Variants in EXT1 observed in about 807,000 individuals in gnomAD.
EXT1 encodes exostosin-1.
A neutral mutation model predicts 82.5 loss-of-function variants in EXT1; 20 were observed. The ratio of observed to expected loss-of-function variants is 0.24; its 90% CI spans 0.17 to 0.35. EXT1 has a LOEUF of 0.35. Ranked by LOEUF, EXT1 falls within the 10% of genes least tolerant of loss-of-function variation. The pLI, the probability that EXT1 is intolerant of heterozygous loss-of-function variation, is 1.00. For synonymous variants in EXT1, 348 were observed against 350.8 expected (o/e 0.99, Z 0.09); for missense variants, 757 against 936.5 (o/e 0.81, Z 2.50).
intron 1 of EXT1, among the ~76,000 whole-genome samples, chr8:118,088,402 C>T (rs961248327): frequency 2.6e-5 from 4 of 151,166 alleles, no homozygotes; most frequent in East Asian, 1.9e-4. Context: ...AAAAATGCAA[C>T]GAGATTTCTG....
At chr8:117,868,702 G>A (rs745992272) in intron 1 of EXT1, among the ~76,000 whole-genome samples, 1 of 151,974 alleles carries the variant, frequency 6.6e-6, no homozygotes, top group Non-Finnish European at 1.5e-5. Context: ...CTCTCACCTC[G>A]GCCTCCCAAA....
At chr8:118,104,105 T>C (rs1391710316) in intron 1 of EXT1, among the ~76,000 whole-genome samples, 1 of 152,222 alleles carries the variant, frequency 6.6e-6, no homozygotes, top group African/African-American at 2.4e-5. Flanking sequence ...CTGAGCTTGT[T>C]ACTTTACTGT....
intron 1 of EXT1, among the ~76,000 whole-genome samples, chr8:118,073,164 A>G (rs1817127413): frequency 6.6e-6 from 1 of 152,256 alleles, no homozygotes; most frequent in Admixed American, 6.5e-5. Context: ...TTAGTAGCCC[A>G]TCTAGGAGTC....
chr8:117,922,596 GTC>G (rs139290210), intron 1 of EXT1, among the ~76,000 whole-genome samples: 3,458 of 152,202 alleles, frequency 0.023, 131 homozygotes, highest in African/African-American at 0.077. Context: ...GGCATGGTTT[GTC>G]TCTCATTATA....
At chr8:118,024,669 A>T (rs1816171946) in intron 1 of EXT1, among the ~76,000 whole-genome samples, 1 of 152,260 alleles carries the variant, frequency 6.6e-6, no homozygotes, top group Non-Finnish European at 1.5e-5. Flanking sequence ...AAGAAACTAC[A>T]GAATGTAACA....
intron 1 of EXT1, among the ~76,000 whole-genome samples, chr8:117,941,007 T>C (rs1313306028): frequency 6.6e-6 from 1 of 152,076 alleles, no homozygotes; most frequent in East Asian, 1.9e-4. Context: ...AAGGCGGAGG[T>C]TGGACTTCAA....
intron 1 of EXT1, among the ~76,000 whole-genome samples, chr8:117,940,736 T>C (rs976016218): frequency 2.6e-5 from 4 of 152,200 alleles, no homozygotes; most frequent in Non-Finnish European, 5.9e-5. Context: ...GGAAAAACTT[T>C]ACAAAATTGA....
At chr8:117,820,654 G>T (rs974843817) in intron 5 of EXT1, among the ~76,000 whole-genome samples, 5 of 151,438 alleles carry the variant, frequency 3.3e-5, no homozygotes, top group African/African-American at 9.7e-5. Flanking sequence ...TGCCGATGGT[G>T]CCACTATACT....
intron 1 of EXT1, among the ~76,000 whole-genome samples, chr8:118,032,036 T>C (rs931910564): frequency 3.3e-5 from 5 of 151,292 alleles, no homozygotes; most frequent in African/African-American, 1.2e-4. Flanking sequence ...ACCCTTGCAG[T>C]GACTGGCTGA....
intron 1 of EXT1, among the ~76,000 whole-genome samples, chr8:117,892,783 A>G (rs1468830658): frequency 1.3e-5 from 2 of 152,208 alleles, no homozygotes; most frequent in African/African-American, 4.8e-5. Flanking sequence ...TGAATGCTGG[A>G]TATATCTTAG....
chr8:117,998,972 A>G (rs909167073), intron 1 of EXT1, among the ~76,000 whole-genome samples: 1 of 152,228 alleles, frequency 6.6e-6, no homozygotes, highest in African/African-American at 2.4e-5. Flanking sequence ...TAAGTCATGT[A>G]TAAACACAAA....
At chr8:118,093,544 G>T (rs1159905670) in intron 1 of EXT1, among the ~76,000 whole-genome samples, 1 of 151,996 alleles carries the variant, frequency 6.6e-6, no homozygotes, top group Non-Finnish European at 1.5e-5. Flanking sequence ...GCTTTTTTTG[G>T]ATATGGTGAA....
intron 1 of EXT1, among the ~76,000 whole-genome samples, chr8:117,959,109 G>A (rs1172080254): frequency 1.3e-5 from 2 of 152,218 alleles, no homozygotes; most frequent in Non-Finnish European, 2.9e-5. Flanking sequence ...CATTGGACCT[G>A]AGAAATTCCA....
intron 1 of EXT1, among the ~76,000 whole-genome samples, chr8:117,920,670 C>T (rs954741201): frequency 1.3e-5 from 2 of 152,188 alleles, no homozygotes; most frequent in South Asian, 2.1e-4. Flanking sequence ...GCCTTACAGT[C>T]GCTCATTAGT....
At position 117,892,703 on chromosome 8, in the gene EXT1, T is replaced by C. The variant is rs1813266342; in HGVS notation, c.963-55502A>G. Among the ~76,000 whole-genome samples the C allele has an allele frequency of 2.0e-5, 3 of 152,162 alleles. No individual in the cohort carries two copies. In the South Asian group the frequency reaches 6.2e-4, roughly 32 times the overall value. ...AAGCAGGGAAGAAGAGAGAGGCTAT[T>C]GCCATGGTCCGGTGAGAGGTAACTG... On this transcript the variant is annotated intron_variant, in intron 1 of 10. Coordinates refer to ENST00000378204, the MANE Select transcript of EXT1 (RefSeq NM_000127.3).
At chr8:118,019,329 T>C (rs1487255127) in intron 1 of EXT1, among the ~76,000 whole-genome samples, 1 of 151,906 alleles carries the variant, frequency 6.6e-6, no homozygotes, top group Admixed American at 6.6e-5. Context: ...CAGAGAGAGG[T>C]AAGTCTTGAG....
chr8:117,875,369 TG>T (rs1415290519), intron 1 of EXT1, among the ~76,000 whole-genome samples: 1 of 151,860 alleles, frequency 6.6e-6, no homozygotes, highest in East Asian at 1.9e-4. Flanking sequence ...TGCAGTGAGC[TG>T]AGATCGTGCC....
At chr8:118,038,316 G>A (rs1169133653) in intron 1 of EXT1, among the ~76,000 whole-genome samples, 1 of 152,142 alleles carries the variant, frequency 6.6e-6, no homozygotes, top group Non-Finnish European at 1.5e-5. Flanking sequence ...GAGGTAAATT[G>A]GCTCCCTTAA....
chr8:117,898,325 T>C (rs761123148), intron 1 of EXT1, among the ~76,000 whole-genome samples: 4 of 152,234 alleles, frequency 2.6e-5, no homozygotes, highest in Non-Finnish European at 5.9e-5. Context: ...TCCTGTGGGC[T>C]GGCTGGCACA....
Sources: gnomAD v4.1 joint callset for allele counts (sites outside exome capture counted in the v4.1 genomes callset) on GRCh38, gnomAD v4.1.1 for gene constraint, MANE v1.5 for transcripts, NCBI Gene and HGNC (gene_info 2026-07-23, HGNC 2026-07-21) for gene names.